HS3ST4: variants seen among roughly 807,000 people sequenced by gnomAD.
HS3ST4 encodes the protein heparan sulfate-glucosamine 3-sulfotransferase 4, also known as heparan sulfate glucosamine 3-O-sulfotransferase 4.
HS3ST4 carries 17 observed loss-of-function variants against 29.2 expected under a neutral mutation model. The observed-to-expected ratio is 0.58, with a 90% CI of 0.40 to 0.87. HS3ST4 has a LOEUF of 0.87. Among genes scored for constraint, HS3ST4 ranks in the 40% least tolerant of loss-of-function variants. The pLI is 0.00. For missense variants in HS3ST4, 627 were observed against 634.5 expected (o/e 0.99, Z 0.13); for synonymous variants, 314 against 285.7 (o/e 1.10, Z -1.00).
intron 1 of HS3ST4, among the ~76,000 whole-genome samples, chr16:25,775,166 G>A (rs901617173): frequency 4.6e-5 from 7 of 152,152 alleles, no homozygotes; most frequent in East Asian, 1.9e-4. Flanking sequence ...CCTTGGCGAC[G>A]CTGTCTGTTT....
At chr16:26,031,705 T>A (rs76522855) in intron 1 of HS3ST4, among the ~76,000 whole-genome samples, 1 of 100,988 alleles carries the variant, frequency 9.9e-6, no homozygotes, top group Non-Finnish European at 1.8e-5. Context: ...TGGAGGCGTG[T>A]TTTTTTTTTT....
At chr16:26,020,254 T>C (rs1308363844) in intron 1 of HS3ST4, among the ~76,000 whole-genome samples, 1 of 152,220 alleles carries the variant, frequency 6.6e-6, no homozygotes, top group Non-Finnish European at 1.5e-5. Flanking sequence ...TGCTTGATCT[T>C]GGCCTCAGTG....
At chr16:25,819,760 T>G (rs1312872800) in intron 1 of HS3ST4, among the ~76,000 whole-genome samples, 1 of 152,078 alleles carries the variant, frequency 6.6e-6, no homozygotes, top group Non-Finnish European at 1.5e-5. Flanking sequence ...TTCATTGGCC[T>G]GTCTTTTCCG....
intron 1 of HS3ST4, among the ~76,000 whole-genome samples, chr16:25,981,336 TAAAAAA>T (rs1213016567): frequency 6.9e-6 from 1 of 144,396 alleles, no homozygotes; most frequent in Non-Finnish European, 1.5e-5. Context: ...AAACTCCGTC[TAAAAAA>T]AAAAAAGAAG....
intron 1 of HS3ST4, among the ~76,000 whole-genome samples, chr16:26,000,989 T>C (rs749604027): frequency 2.0e-5 from 3 of 152,134 alleles, no homozygotes; most frequent in African/African-American, 7.2e-5. Context: ...TGTTCCAGAT[T>C]AAAGGAGACT....
At position 26,054,310 on chromosome 16, in the gene HS3ST4, G is replaced by GGAA. The variant is rs202122640; in HGVS notation, c.735-81284_735-81282dup. The stretch of plus-strand genomic sequence containing the variant: ...AGAGAGAGAGAGAGAAGGAGGAGGA[G>GGAA]GAAGAAGAAGAAGAAGAAGAGAAGA... On this transcript the variant is annotated intron_variant, in intron 1 of 1. Transcript: ENST00000331351. Among the ~76,000 whole-genome samples the GGAA allele has an allele frequency of 5.5e-4, 81 of 148,568 alleles. No individual in the cohort carries two copies. In the Middle Eastern group the frequency reaches 0.014, roughly 25 times the overall value.
At chr16:25,841,153 C>T (rs2141644680) in intron 1 of HS3ST4, among the ~76,000 whole-genome samples, 1 of 151,986 alleles carries the variant, frequency 6.6e-6, no homozygotes, top group Admixed American at 6.6e-5. Flanking sequence ...CTACAGGTGC[C>T]CGCCACCTCA....
chr16:25,945,723 C>T (rs1326359192), intron 1 of HS3ST4, among the ~76,000 whole-genome samples: 1 of 152,052 alleles, frequency 6.6e-6, no homozygotes. Flanking sequence ...GATCATATAC[C>T]CTGGCACTCT....
chr16:26,049,534 C>T (rs1898311677), intron 1 of HS3ST4, among the ~76,000 whole-genome samples: 1 of 151,642 alleles, frequency 6.6e-6, no homozygotes, highest in Non-Finnish European at 1.5e-5. Flanking sequence ...AGTTTTTCCT[C>T]TGCTTTTACC....
intron 1 of HS3ST4, among the ~76,000 whole-genome samples, chr16:25,792,891 T>C (rs1966872564): frequency 6.6e-6 from 1 of 151,926 alleles, no homozygotes; most frequent in South Asian, 2.1e-4. Context: ...TGTTTTTAAC[T>C]TCTTTTCTAA....
chr16:26,114,794 C>T (rs558965286), intron 1 of HS3ST4, among the ~76,000 whole-genome samples: 186 of 152,234 alleles, frequency 1.2e-3, no homozygotes, highest in Non-Finnish European at 2.2e-3. Context: ...TTTGGTATAA[C>T]AGCATGGAGG....
At chr16:25,820,288 A>G (rs1967137243) in intron 1 of HS3ST4, among the ~76,000 whole-genome samples, 1 of 152,122 alleles carries the variant, frequency 6.6e-6, no homozygotes, top group Non-Finnish European at 1.5e-5. Flanking sequence ...AAGAAGGCAA[A>G]TCTGAGGTCA....
intron 1 of HS3ST4, among the ~76,000 whole-genome samples, chr16:25,724,901 CTCG>C (rs1326033957): frequency 7.1e-6 from 1 of 141,034 alleles, no homozygotes; most frequent in Admixed American, 7.1e-5. Flanking sequence ...ATGTGAAAAC[CTCG>C]TCAAGTTTTT....
At chr16:25,789,091 A>C (rs944616257) in intron 1 of HS3ST4, among the ~76,000 whole-genome samples, 1 of 152,020 alleles carries the variant, frequency 6.6e-6, no homozygotes, top group African/African-American at 2.4e-5. Context: ...GTGGGGCTGG[A>C]AGTCAATTTT....
intron 1 of HS3ST4, among the ~76,000 whole-genome samples, chr16:25,845,464 G>A (rs1967455798): frequency 6.6e-6 from 1 of 152,170 alleles, no homozygotes; most frequent in African/African-American, 2.4e-5. Flanking sequence ...AGCTGAGATC[G>A]TGCCACTGCA....
intron 1 of HS3ST4, among the ~76,000 whole-genome samples, chr16:25,902,626 T>C (rs1442840980): frequency 6.6e-6 from 1 of 152,014 alleles, no homozygotes; most frequent in Non-Finnish European, 1.5e-5. Context: ...AGTTGGGAGA[T>C]GAGTGAAGAG....
At position 26,013,885 on chromosome 16, in the gene HS3ST4, G is replaced by A. The variant is rs754237282; in HGVS notation, c.735-121727G>A. On this transcript the variant is annotated intron_variant, in intron 1 of 1. Transcript: ENST00000331351. ...ATTAGCTGGGTGTGGTGGCATGCCC[G>A]TAGTCCCAGCTACTCTGGTGGCCGA... 2.9e-4 allele frequency among the ~76,000 whole-genome samples: 44 copies of A among 152,156 alleles called. 2 individuals are homozygous for A. The highest frequency in any genetic ancestry group is 9.7e-4 in the East Asian group (5 of 5,168).
At chr16:25,898,805 T>C (rs1236104944) in intron 1 of HS3ST4, among the ~76,000 whole-genome samples, 1 of 152,210 alleles carries the variant, frequency 6.6e-6, no homozygotes. Flanking sequence ...ATGTTGAAGA[T>C]AGAGCAACAC....
chr16:26,135,217 T>C (rs1311378658), intron 1 of HS3ST4, among the ~76,000 whole-genome samples: 4 of 152,210 alleles, frequency 2.6e-5, no homozygotes, highest in African/African-American at 9.6e-5. Context: ...CCAGCTTCAT[T>C]GCTCAATGCT....
Sources: gnomAD v4.1 joint callset for allele counts (sites outside exome capture counted in the v4.1 genomes callset) on GRCh38, gnomAD v4.1.1 for gene constraint, MANE v1.5 for transcripts, NCBI Gene and HGNC (gene_info 2026-07-23, HGNC 2026-07-21) for gene names.